Variants in STK31 observed in about 807,000 individuals in gnomAD.
STK31 encodes the protein serine/threonine-protein kinase 31.
In STK31, 89 loss-of-function variants were observed where a neutral mutation model predicts 129.7. The observed-to-expected ratio is 0.69, with a 90% CI of 0.58 to 0.82. The LOEUF (loss-of-function observed/expected upper bound fraction) is 0.82, where lower values mean the gene tolerates loss of function less well. Among genes scored for constraint, STK31 ranks in the 40% least tolerant of loss-of-function variants. The pLI, the probability that STK31 is intolerant of heterozygous loss-of-function variation, is 0.00. For missense variants in STK31, 1,187 were observed against 1,176.4 expected (o/e 1.01, Z -0.13); for synonymous variants, 448 against 395.3 (o/e 1.13, Z -1.58).
intron 4 of STK31, among the ~76,000 whole-genome samples, chr7:23,725,027 C>T (rs1242231211): frequency 6.6e-6 from 1 of 152,178 alleles, no homozygotes; most frequent in African/African-American, 2.4e-5. Flanking sequence ...TCCTAAGGAG[C>T]ATTTTTAGAC....
Position 23,825,114 on chromosome 7 carries a change from A to C in STK31, c.2830-7022A>C, listed in dbSNP as rs372215182. On this transcript the variant is annotated intron_variant, in intron 23 of 23. Coordinates refer to ENST00000355870, the MANE Select transcript of STK31 (RefSeq NM_031414.5). ...GTATCAGGATGATGCTGGCCTCATAAAATGAGTTAGGGAGGATTCCCTCTT... is the reference window on the plus strand; with the variant it reads ...GTATCAGGATGATGCTGGCCTCATACAATGAGTTAGGGAGGATTCCCTCTT... 2.0e-5 allele frequency among the ~76,000 whole-genome samples: 3 copies of C among 152,108 alleles called. No homozygotes were observed. The East Asian group carries it at 5.8e-4, about 29-fold the overall frequency.
Position 23,769,021 on chromosome 7 carries a change from G to A in STK31, c.1443G>A (p.Val481=). Residue 481 remains valine (V), a synonymous_variant, in exon 12 of 24, where the codon GTG becomes GTA. Coordinates refer to ENST00000355870, the MANE Select transcript of STK31 (RefSeq NM_031414.5). ...ATTTGTCAGTCTCTTTAGAAGCAGTGTATGGACAAGCCAAAGAAGGAGCAA... is the reference window on the plus strand; with the variant it reads ...ATTTGTCAGTCTCTTTAGAAGCAGTATATGGACAAGCCAAAGAAGGAGCAA... ...LQDLSVSLEA[V]YGQAKEGANS... is the part of the protein sequence containing the mutation. 2 of 1,611,138 alleles carry A rather than the reference G, an allele frequency of 1.2e-6. No individual in the cohort carries two copies. Among genetic ancestry groups the A allele is most frequent in the Non-Finnish European group, 1.7e-6 (2 of 1,178,622 alleles).
chr7:23,768,007 A>G (rs9784992), intron 11 of STK31, among the ~76,000 whole-genome samples: 47,298 of 151,870 alleles, frequency 0.31, 7,739 homozygotes, highest in African/African-American at 0.42. Context: ...TCTTTATTAC[A>G]TTAAAAAATT....
At chr7:23,759,044 G>A (rs1454084260) in intron 10 of STK31, among the ~76,000 whole-genome samples, 1 of 152,060 alleles carries the variant, frequency 6.6e-6, no homozygotes, top group Non-Finnish European at 1.5e-5. Context: ...AAAGACAAAG[G>A]CATTACGTAA....
intron 22 of STK31, among the ~76,000 whole-genome samples, chr7:23,808,171 T>TATATA (rs1378297880): frequency 7.7e-6 from 1 of 129,354 alleles, no homozygotes; most frequent in African/African-American, 2.9e-5. Flanking sequence ...ATATATATAT[T>TATATA]TTTTGTAGGC....
intron 15 of STK31, among the ~76,000 whole-genome samples, chr7:23,780,449 T>C (rs7787706): frequency 1.3e-5 from 2 of 151,950 alleles, no homozygotes; most frequent in East Asian, 3.9e-4. Flanking sequence ...GCTTAAATAT[T>C]TAAAAGGGAA....
intron 23 of STK31, among the ~76,000 whole-genome samples, chr7:23,828,293 G>T (rs923489781): frequency 2.6e-5 from 4 of 152,186 alleles, no homozygotes; most frequent in Non-Finnish European, 1.5e-5. Context: ...CTGAGCAATG[G>T]CAGGCACCCC....
Position 23,820,448 on chromosome 7 carries a change from G to A in STK31, c.2829+5236G>A, listed in dbSNP as rs535381550. ...ATTTATGGGGTATATGTGATATTTTGTAACTTGTATGGAATGTGTTAATGA... is the reference window on the plus strand; with the variant it reads ...ATTTATGGGGTATATGTGATATTTTATAACTTGTATGGAATGTGTTAATGA... On this transcript the variant is annotated intron_variant, in intron 23 of 23. Transcript: ENST00000355870. Among the ~76,000 whole-genome samples, 9 of 152,310 alleles carry A rather than the reference G, an allele frequency of 5.9e-5. No homozygotes were observed. In the South Asian group the frequency reaches 1.4e-3, roughly 25 times the overall value.
chr7:23,718,182 A>G (rs1489497221), intron 4 of STK31, among the ~76,000 whole-genome samples: 1 of 152,214 alleles, frequency 6.6e-6, no homozygotes, highest in African/African-American at 2.4e-5. Flanking sequence ...ACAAAAGTGA[A>G]GAAAACGTAT....
Position 23,785,584 on chromosome 7 carries a change from G to A in STK31, c.2255G>A (p.Gly752Glu), listed in dbSNP as rs1562600582. 2 of 1,613,042 alleles carry A rather than the reference G, an allele frequency of 1.2e-6. No individual in the cohort carries two copies. The highest frequency in any genetic ancestry group is 1.7e-5 in the Admixed American group (1 of 59,978). Residue 752 changes from glycine (G) to glutamate (E), a missense_variant, in exon 18 of 24, where the codon GGG becomes GAG. Gly to Glu is a moderately conservative substitution (Grantham distance 98, BLOSUM62 -2). Coordinates refer to ENST00000355870, the MANE Select transcript of STK31 (RefSeq NM_031414.5). ...CCTTTGGTACGTTCTGAGGTTAATG[G>A]GCAGATAATTCTGTTAAAGGTAAGT... is the stretch of plus-strand genomic sequence containing the variant. ...KRPLVRSEVNGQIILLKGYSV... is the reference protein window; with the variant it reads ...KRPLVRSEVNEQIILLKGYSV...
At chr7:23,786,700 A>G in intron 19 of STK31, 67 bp downstream of exon 19, 1 of 1,568,972 alleles carries the variant, frequency 6.4e-7, no homozygotes, top group Non-Finnish European at 8.6e-7. Flanking sequence ...TATTTAAAAT[A>G]AATTTTAGCT....
chr7:23,819,362 A>C (rs184481940), intron 23 of STK31, among the ~76,000 whole-genome samples: 2 of 152,010 alleles, frequency 1.3e-5, no homozygotes, highest in Non-Finnish European at 2.9e-5. Context: ...TAAAATTTCA[A>C]ATCTTAAGGA....
At chr7:23,759,186 G>T (rs1032509268) in intron 10 of STK31, among the ~76,000 whole-genome samples, 1 of 152,116 alleles carries the variant, frequency 6.6e-6, no homozygotes, top group Non-Finnish European at 1.5e-5. Flanking sequence ...ATAATAATGG[G>T]AGACTTTAAC....
intron 11 of STK31, among the ~76,000 whole-genome samples, chr7:23,766,416 CT>C (rs1419058513): frequency 6.6e-6 from 1 of 152,150 alleles, no homozygotes; most frequent in African/African-American, 2.4e-5. Flanking sequence ...GCATGCACCA[CT>C]GTGCCCGGCT....
chr7:23,762,946 A>G (rs773321666), intron 11 of STK31, 23 bp downstream of exon 11: 1 of 1,514,678 alleles, frequency 6.6e-7, no homozygotes, highest in Non-Finnish European at 8.9e-7. Flanking sequence ...AATATATTAA[A>G]TATACGTTAA....
intron 22 of STK31, among the ~76,000 whole-genome samples, chr7:23,799,979 A>G (rs895417905): frequency 2.6e-5 from 4 of 152,176 alleles, no homozygotes; most frequent in African/African-American, 9.7e-5. Flanking sequence ...CAAGCATATG[A>G]AAAAAGCTCA....
chr7:23,740,396 CATT>C (rs1342183702), intron 8 of STK31, among the ~76,000 whole-genome samples: 4 of 152,208 alleles, frequency 2.6e-5, no homozygotes, highest in South Asian at 2.1e-4. Flanking sequence ...GATAAATCAC[CATT>C]ATTAAGTTTT....
intron 11 of STK31, among the ~76,000 whole-genome samples, chr7:23,764,571 T>G (rs1789692450): frequency 6.6e-6 from 1 of 152,208 alleles, no homozygotes; most frequent in Non-Finnish European, 1.5e-5. Context: ...TTGTGACTGG[T>G]CTTCTTAAGT....
At chr7:23,742,079 A>G (rs1261219641) in intron 8 of STK31, among the ~76,000 whole-genome samples, 1 of 152,124 alleles carries the variant, frequency 6.6e-6, no homozygotes, top group Non-Finnish European at 1.5e-5. Flanking sequence ...TGGGTATTCT[A>G]TAGATATGTG....
Sources: gnomAD v4.1 joint callset for allele counts (sites outside exome capture counted in the v4.1 genomes callset) on GRCh38, gnomAD v4.1.1 for gene constraint, MANE v1.5 for transcripts, NCBI Gene and HGNC (gene_info 2026-07-23, HGNC 2026-07-21) for gene names.